Variants in RBFOX1 observed in about 807,000 individuals in gnomAD.
The protein encoded by RBFOX1 is RNA binding protein fox-1 homolog 1.
RBFOX1 carries 8 observed loss-of-function variants against 57.7 expected under a neutral mutation model. That is an observed-to-expected ratio of 0.14 (90% CI 0.08 to 0.25). The LOEUF is 0.25. RBFOX1 is among the 10% of genes least tolerant of loss of function. The pLI is 1.00. For missense variants in RBFOX1, 611 were observed against 548.5 expected, an observed-to-expected ratio of 1.11 and a Z score of -1.14; for synonymous variants, 326 against 222.4, an observed-to-expected ratio of 1.47 and a Z score of -4.15.
intron 4 of RBFOX1, among the ~76,000 whole-genome samples, chr16:5,909,385 C>G (rs1052761186): frequency 2.0e-4 from 30 of 152,232 alleles, no homozygotes; most frequent in African/African-American, 7.0e-4. Context: ...AGCCACTGTG[C>G]CCGGCCCAAG....
chr16:7,254,498 C>CTCTT (rs1555631894), intron 4 of RBFOX1, among the ~76,000 whole-genome samples: 27 of 150,976 alleles, frequency 1.8e-4, no homozygotes, highest in Middle Eastern at 3.4e-3. Context: ...CTCTCTCTCT[C>CTCTT]TTTTTTTTTA....
intron 3 of RBFOX1, among the ~76,000 whole-genome samples, chr16:6,977,099 TATC>T (rs1227108972): frequency 6.9e-6 from 1 of 144,552 alleles, no homozygotes; most frequent in Non-Finnish European, 1.5e-5. Flanking sequence ...TTTATATATA[TATC>T]ATATATATGA....
intron 1 of RBFOX1, among the ~76,000 whole-genome samples, chr16:6,042,331 C>T (rs1374636226): frequency 6.6e-6 from 1 of 152,044 alleles, no homozygotes; most frequent in Non-Finnish European, 1.5e-5. Context: ...GATCTCTTAA[C>T]ATTGGGATTT....
chr16:6,226,886 A>T (rs968857796), intron 1 of RBFOX1, among the ~76,000 whole-genome samples: 5 of 148,892 alleles, frequency 3.4e-5, no homozygotes, highest in African/African-American at 1.2e-4. Context: ...AGGCGGCTGG[A>T]TTGCCTGAGC....
chr16:6,892,598 A>G (rs1404509350), intron 3 of RBFOX1, among the ~76,000 whole-genome samples: 1 of 152,170 alleles, frequency 6.6e-6, no homozygotes. Flanking sequence ...TGAACCTGGG[A>G]AATGGAAGTT....
At chr16:5,502,070 G>A (rs1329119507) in intron 2 of RBFOX1, among the ~76,000 whole-genome samples, 1 of 151,910 alleles carries the variant, frequency 6.6e-6, no homozygotes, top group African/African-American at 2.4e-5. Flanking sequence ...GATTACTGAG[G>A]AGACAGGTAA....
intron 4 of RBFOX1, among the ~76,000 whole-genome samples, chr16:7,089,065 C>T (rs745362103): frequency 2.0e-5 from 3 of 152,134 alleles, no homozygotes; most frequent in Non-Finnish European, 4.4e-5. Flanking sequence ...CTCAGTGAGC[C>T]TTGTCATTTA....
intron 4 of RBFOX1, among the ~76,000 whole-genome samples, chr16:7,153,438 T>G (rs1284871497): frequency 6.6e-6 from 1 of 152,046 alleles, no homozygotes; most frequent in Non-Finnish European, 1.5e-5. Flanking sequence ...ATGTATTGGA[T>G]TGAAAGGACA....
rs749806270 is a variant in RBFOX1, at chr16:6,859,165, G to GTATA, written c.-15-192886_-15-192883dup. 1.4e-3 allele frequency among the ~76,000 whole-genome samples: 76 copies of GTATA among 54,018 alleles called. 5 individuals carry two copies. The highest frequency in any genetic ancestry group is 8.7e-3 in the African/African-American group (74 of 8,522). 35.4% of individuals were successfully genotyped at this position (54,018 alleles called of 152,430 possible). On this transcript the variant is annotated intron_variant, in intron 3 of 15. Transcript: ENST00000550418. ...CGTATATATATATGTATATATATAC[G>GTATA]TATATATATGTATATATATGTATAT...
At chr16:6,384,788 T>G (rs1308152262) in intron 2 of RBFOX1, among the ~76,000 whole-genome samples, 1 of 152,218 alleles carries the variant, frequency 6.6e-6, no homozygotes, top group African/African-American at 2.4e-5. Context: ...TTTTCTCCGA[T>G]CTGATATAGC....
At chr16:7,316,142 G>A (rs761686094) in intron 4 of RBFOX1, among the ~76,000 whole-genome samples, 1 of 152,118 alleles carries the variant, frequency 6.6e-6, no homozygotes, top group Non-Finnish European at 1.5e-5. Flanking sequence ...AAGATTATGT[G>A]TTTATATGAG....
At chr16:6,402,760 A>T (rs961937985) in intron 2 of RBFOX1, among the ~76,000 whole-genome samples, 7 of 152,164 alleles carry the variant, frequency 4.6e-5, no homozygotes, top group Non-Finnish European at 1.0e-4. Context: ...ATATTTTTAT[A>T]TTATTACTTC....
chr16:6,557,084 CATACAT>C (rs2097112907), intron 2 of RBFOX1, among the ~76,000 whole-genome samples: 2 of 137,682 alleles, frequency 1.5e-5, no homozygotes, highest in South Asian at 2.2e-4. Flanking sequence ...TACATATATA[CATACAT>C]ATACATATAT....
At chr16:6,865,291 C>G (rs1017366775) in intron 3 of RBFOX1, among the ~76,000 whole-genome samples, 1 of 152,058 alleles carries the variant, frequency 6.6e-6, no homozygotes, top group Non-Finnish European at 1.5e-5. Context: ...ACGTGAGCCA[C>G]CGTGCCCGAC....
At chr16:6,883,335 A>G (rs949751257) in intron 3 of RBFOX1, among the ~76,000 whole-genome samples, 1 of 152,198 alleles carries the variant, frequency 6.6e-6, no homozygotes, top group African/African-American at 2.4e-5. Context: ...TGAGTTAATA[A>G]GGCAGATCTG....
intron 3 of RBFOX1, among the ~76,000 whole-genome samples, chr16:5,692,617 A>G (rs1423105917): frequency 6.6e-6 from 1 of 152,158 alleles, no homozygotes; most frequent in African/African-American, 2.4e-5. Flanking sequence ...GCAGCAATAG[A>G]AAAGTAATGC....
chr16:7,036,205 T>C (rs1568470744), intron 3 of RBFOX1, among the ~76,000 whole-genome samples: 1 of 151,498 alleles, frequency 6.6e-6, no homozygotes, highest in Non-Finnish European at 1.5e-5. Flanking sequence ...CCTTGACATT[T>C]TTTTTTTTTT....
intron 1 of RBFOX1, among the ~76,000 whole-genome samples, chr16:6,246,287 C>T (rs1294187304): frequency 6.6e-6 from 1 of 152,142 alleles, no homozygotes; most frequent in Non-Finnish European, 1.5e-5. Flanking sequence ...CTACTTGTTT[C>T]CAGCTCTTAG....
chr16:5,961,360 CA>C (rs780002675), intron 4 of RBFOX1, among the ~76,000 whole-genome samples: 173 of 152,044 alleles, frequency 1.1e-3, no homozygotes, highest in Non-Finnish European at 4.3e-4. Flanking sequence ...CTTGAGCTTC[CA>C]AAATTACTCA....
Sources: gnomAD v4.1 joint callset for allele counts (sites outside exome capture counted in the v4.1 genomes callset) on GRCh38, gnomAD v4.1.1 for gene constraint, MANE v1.5 for transcripts, NCBI Gene and HGNC (gene_info 2026-07-23, HGNC 2026-07-21) for gene names.